The following ADCY9 variants were observed in gnomAD, a reference collection of about 807,000 sequenced individuals.
ADCY9 encodes adenylate cyclase type 9.
ADCY9 carries 50 observed loss-of-function variants against 101.5 expected under a neutral mutation model. The observed-to-expected ratio is 0.49, with a 90% CI of 0.39 to 0.62. ADCY9 has a LOEUF of 0.62. Among genes scored for constraint, ADCY9 ranks in the 20% least tolerant of loss-of-function variants. ADCY9 has a pLI of 0.00. For missense variants in ADCY9, 1,662 were observed against 1,800.4 expected, an observed-to-expected ratio of 0.92 and a Z score of 1.39; for synonymous variants, 905 against 769.3, an observed-to-expected ratio of 1.18 and a Z score of -2.92.
chr16:4,041,036 C>T (rs2056623115), intron 2 of ADCY9, among the ~76,000 whole-genome samples: 1 of 151,992 alleles, frequency 6.6e-6, no homozygotes, highest in Non-Finnish European at 1.5e-5. Flanking sequence ...TGGAAAAGAC[C>T]ACAGGAGATA....
intron 6 of ADCY9, among the ~76,000 whole-genome samples, chr16:3,985,633 CCTT>C (rs2056185723): frequency 6.6e-6 from 1 of 152,184 alleles, no homozygotes; most frequent in African/African-American, 2.4e-5. Flanking sequence ...GGGCTGCCGT[CCTT>C]CTGAGAGCCC....
chr16:3,966,193 A>G lies in ADCY9; in HGVS notation c.3644T>C (p.Val1215Ala), dbSNP rs765047478. ...GAAGTCATAGCCCATCTTGCTCAAGACGCGGTAGCTCTCTTCGCTCACCTG... is the reference window on the plus strand; with the variant it reads ...GAAGTCATAGCCCATCTTGCTCAAGGCGCGGTAGCTCTCTTCGCTCACCTG... ...RIQVSEESYR[V>A]LSKMGYDFDY... The change falls in exon 11 of 11, where the codon GTC (valine) becomes GCC (alanine). Residue 1215 changes from valine to alanine, a missense_variant. Physicochemically the swap from Val to Ala is moderately conservative, Grantham distance 64 (BLOSUM62 0). Coordinates refer to ENST00000294016, the MANE Select transcript of ADCY9 (RefSeq NM_001116.4). 1.9e-6 allele frequency: 3 copies of G among 1,614,088 alleles called. No individual in the cohort carries two copies. The highest frequency in any genetic ancestry group is 2.5e-6 in the Non-Finnish European group (3 of 1,180,008).
At chr16:3,988,557 G>T (rs1399536174) in intron 6 of ADCY9, among the ~76,000 whole-genome samples, 1 of 120,430 alleles carries the variant, frequency 8.3e-6, no homozygotes, top group African/African-American at 3.2e-5. Context: ...GTGGGGAGGG[G>T]TTCCTTTCCA....
chr16:4,002,800 C>T (rs2056340046), intron 3 of ADCY9, among the ~76,000 whole-genome samples: 1 of 152,198 alleles, frequency 6.6e-6, no homozygotes, highest in Non-Finnish European at 1.5e-5. Flanking sequence ...CTGCAACCTT[C>T]ACCTACTAGG....
intron 2 of ADCY9, among the ~76,000 whole-genome samples, chr16:4,094,969 A>T (rs2056994079): frequency 6.6e-6 from 1 of 152,036 alleles, no homozygotes; most frequent in Non-Finnish European, 1.5e-5. Flanking sequence ...AATCTTTGAC[A>T]AAATCCAAGA....
At chr16:4,024,488 G>A (rs1328310739) in intron 2 of ADCY9, among the ~76,000 whole-genome samples, 3 of 152,136 alleles carry the variant, frequency 2.0e-5, no homozygotes, top group African/African-American at 7.2e-5. Flanking sequence ...TTAACTAGAC[G>A]ATGAACTTGA....
intron 2 of ADCY9, among the ~76,000 whole-genome samples, chr16:4,083,254 A>G (rs2056916914): frequency 6.6e-6 from 1 of 152,198 alleles, no homozygotes; most frequent in Non-Finnish European, 1.5e-5. Context: ...TCAAAACATA[A>G]AGTCTTTTTT....
intron 2 of ADCY9, among the ~76,000 whole-genome samples, chr16:4,010,184 G>A (rs1279189201): frequency 6.6e-6 from 1 of 152,216 alleles, no homozygotes; most frequent in African/African-American, 2.4e-5. Context: ...CTGGGAGCAT[G>A]AACTGGGCTG....
At chr16:3,981,255 T>C (rs564464987) in intron 7 of ADCY9, among the ~76,000 whole-genome samples, 1 of 152,302 alleles carries the variant, frequency 6.6e-6, no homozygotes, top group South Asian at 2.1e-4. Flanking sequence ...CCCTCGGCAG[T>C]CTACACCGGG....
chr16:4,036,462 G>GTTT (rs59816813), intron 2 of ADCY9, among the ~76,000 whole-genome samples: 2,434 of 103,530 alleles, frequency 0.024, 133 homozygotes, highest in African/African-American at 0.085. Context: ...GGGTTTGTTT[G>GTTT]TTTTTTTTTT....
chr16:4,022,580 A>G (rs1417390915), intron 2 of ADCY9, among the ~76,000 whole-genome samples: 1 of 151,772 alleles, frequency 6.6e-6, no homozygotes, highest in Non-Finnish European at 1.5e-5. Context: ...TATAAGGTAC[A>G]TATTTGTATG....
chr16:3,975,895 A>G (rs2056088773), intron 9 of ADCY9, among the ~76,000 whole-genome samples: 1 of 152,266 alleles, frequency 6.6e-6, no homozygotes, highest in African/African-American at 2.4e-5. Context: ...TCTGTTATAC[A>G]AGGTATTACT....
intron 2 of ADCY9, among the ~76,000 whole-genome samples, chr16:4,078,111 A>C (rs2056879388): frequency 1.3e-5 from 2 of 152,196 alleles, no homozygotes; most frequent in African/African-American, 4.8e-5. Context: ...CACTCATCAT[A>C]CAACCCAGTC....
intron 2 of ADCY9, among the ~76,000 whole-genome samples, chr16:4,078,903 T>C (rs939697063): frequency 3.3e-5 from 5 of 152,056 alleles, no homozygotes; most frequent in Non-Finnish European, 7.4e-5. Context: ...GCAACACACA[T>C]ATGAAAAAGA....
intron 2 of ADCY9, among the ~76,000 whole-genome samples, chr16:4,019,859 C>T (rs571223231): frequency 3.9e-5 from 6 of 152,284 alleles, no homozygotes; most frequent in East Asian, 3.9e-4. Context: ...GGAAGGATCA[C>T]GTGAGGTCAA....
chr16:4,072,733 G>A (rs947581016), intron 2 of ADCY9, among the ~76,000 whole-genome samples: 1 of 152,046 alleles, frequency 6.6e-6, no homozygotes, highest in African/African-American at 2.4e-5. Flanking sequence ...AAGAAGTTTA[G>A]AGGACTCCAA....
Position 3,989,016 on chromosome 16 carries a change from T to C in ADCY9, c.2288A>G (p.Tyr763Cys), listed in dbSNP as rs756874601. 1 of 1,613,916 alleles carries C rather than the reference T, an allele frequency of 6.2e-7. No homozygotes were observed. Among genetic ancestry groups the C allele is most frequent in the South Asian group, 1.1e-5 (1 of 91,070 alleles). Reference protein sequence around the residue: ...NFLDQELERSYRTSYQEEVIK... With the variant: ...NFLDQELERSCRTSYQEEVIK... ...CACCTCTTCCTGATAGCTGGTCCTGTAGGATCGCTCCAGCTCCTGATCCAG... is the reference window on the plus strand; with the variant it reads ...CACCTCTTCCTGATAGCTGGTCCTGCAGGATCGCTCCAGCTCCTGATCCAG... The change falls in exon 6 of 11, where the codon TAC becomes TGC. Residue 763 changes from tyrosine (Y) to cysteine (C), a missense_variant. Coordinates refer to ENST00000294016, the MANE Select transcript of ADCY9 (RefSeq NM_001116.4).
intron 2 of ADCY9, among the ~76,000 whole-genome samples, chr16:4,076,055 G>A (rs1384057009): frequency 6.6e-6 from 1 of 152,150 alleles, no homozygotes; most frequent in Non-Finnish European, 1.5e-5. Flanking sequence ...ACAGCTGGGT[G>A]GCGTAGCACA....
At chr16:4,030,893 T>C (rs971058586) in intron 2 of ADCY9, among the ~76,000 whole-genome samples, 1 of 152,188 alleles carries the variant, frequency 6.6e-6, no homozygotes, top group Admixed American at 6.5e-5. Flanking sequence ...AGTGGATGTG[T>C]TCCTTTTGTG....
Sources: gnomAD v4.1 joint callset for allele counts (sites outside exome capture counted in the v4.1 genomes callset) on GRCh38, gnomAD v4.1.1 for gene constraint, MANE v1.5 for transcripts, NCBI Gene and HGNC (gene_info 2026-07-23, HGNC 2026-07-21) for gene names.